DENND2A: variants seen among roughly 807,000 people sequenced by gnomAD.
DENND2A encodes DENN domain containing 2A.
A neutral mutation model predicts 105.3 loss-of-function variants in DENND2A; 53 were observed. The observed-to-expected ratio is 0.50, with a 90% CI of 0.40 to 0.63. DENND2A has a LOEUF of 0.63. DENND2A is among the 30% of genes least tolerant of loss of function. The pLI is 0.00. For missense variants in DENND2A, 1,138 were observed against 1,279.6 expected, an observed-to-expected ratio of 0.89 and a Z score of 1.69; for synonymous variants, 522 against 508.4, an observed-to-expected ratio of 1.03 and a Z score of -0.36.
chr7:140,520,979 A>C (rs1179375099), intron 18 of DENND2A, among the ~76,000 whole-genome samples: 41 of 140,950 alleles, frequency 2.9e-4, no homozygotes, highest in South Asian at 9.1e-4. Flanking sequence ...GGTTCAAGCG[A>C]TTCTCCTGCC....
At chr7:140,586,645 G>A (rs1798795954) in intron 4 of DENND2A, among the ~76,000 whole-genome samples, 1 of 152,210 alleles carries the variant, frequency 6.6e-6, no homozygotes, top group Non-Finnish European at 1.5e-5. Context: ...GTAACTGAAA[G>A]CATCCTCTTG....
At chr7:140,624,868 GT>G (rs1367069950) in intron 1 of DENND2A, among the ~76,000 whole-genome samples, 218 of 109,150 alleles carry the variant, frequency 2.0e-3, no homozygotes, top group Middle Eastern at 4.4e-3. Context: ...GTTTTTTTTT[GT>G]TTTTTTTTTT....
chr7:140,570,548 T>A (rs1259948223), intron 6 of DENND2A, among the ~76,000 whole-genome samples: 2 of 152,196 alleles, frequency 1.3e-5, no homozygotes, highest in African/African-American at 4.8e-5. Flanking sequence ...AGCTTGGGAC[T>A]ACGGGGAGTG....
chr7:140,546,712 C>A, intron 13 of DENND2A, 87 bp downstream of exon 13: 1 of 1,530,192 alleles, frequency 6.5e-7, no homozygotes. Flanking sequence ...TTGGACTGCT[C>A]ACTGAAAGGC....
At chr7:140,534,765 G>A (rs941918203) in intron 14 of DENND2A, among the ~76,000 whole-genome samples, 3 of 152,168 alleles carry the variant, frequency 2.0e-5, no homozygotes, top group South Asian at 2.1e-4. Flanking sequence ...TAGAAAGAGA[G>A]TCCTCACTCG....
chr7:140,521,778 T>C (rs780276677), intron 18 of DENND2A, 77 bp downstream of exon 18: 6 of 1,580,036 alleles, frequency 3.8e-6, no homozygotes, highest in Non-Finnish European at 5.2e-6. Flanking sequence ...CCCTGTGATC[T>C]TTCTCCCTAC....
In DENND2A at chr7:140,567,265, G is replaced by C; in HGVS notation, c.1600C>G (p.Gln534Glu). ...CGGGACTTCACGTTGACCAGGCGCT[G>C]GCTGTGAGCTGGGTGAGGGAGGGAG... ...DTEEKLKAHS[Q>E]RLVNVKSRLK... Residue 534 changes from glutamine to glutamate, a missense_variant, in exon 9 of 20, where the codon CAG becomes GAG. Transcript: ENST00000496613. The C allele has an allele frequency of 6.2e-7, 1 of 1,608,084 alleles. No individual in the cohort carries two copies. The highest frequency in any genetic ancestry group is 2.2e-5 in the East Asian group (1 of 44,780).
intron 10 of DENND2A, 136 bp from the exon 11 acceptor site, chr7:140,558,348 C>CAGGT (rs2130566706): frequency 3.2e-6 from 2 of 619,078 alleles, no homozygotes; most frequent in Admixed American, 2.6e-5. Context: ...CTCCCTGTCC[C>CAGGT]ACCTGTCCCT....
intron 3 of DENND2A, among the ~76,000 whole-genome samples, chr7:140,592,382 AT>A (rs1170017071): frequency 6.9e-6 from 1 of 145,740 alleles, no homozygotes; most frequent in African/African-American, 2.5e-5. Context: ...ATTTTTTAAA[AT>A]TTTATTTTTA....
chr7:140,564,298 T>TA (rs1554469316), intron 9 of DENND2A, among the ~76,000 whole-genome samples: 27 of 141,212 alleles, frequency 1.9e-4, no homozygotes, highest in East Asian at 8.2e-4. Context: ...AAAAAAAAAA[T>TA]ACACACACAC....
chr7:140,573,292 T>G (rs1798169461), intron 6 of DENND2A, among the ~76,000 whole-genome samples: 1 of 152,212 alleles, frequency 6.6e-6, no homozygotes, highest in Non-Finnish European at 1.5e-5. Flanking sequence ...AGACCAGAAC[T>G]GCAGCACTGA....
chr7:140,575,464 C>T (rs1049144288), intron 5 of DENND2A, among the ~76,000 whole-genome samples: 1 of 152,132 alleles, frequency 6.6e-6, no homozygotes, highest in African/African-American at 2.4e-5. Flanking sequence ...CCCGCAATTC[C>T]ACCTCTAGGA....
intron 9 of DENND2A, among the ~76,000 whole-genome samples, chr7:140,564,930 C>T (rs1023655148): frequency 4.0e-5 from 6 of 151,704 alleles, no homozygotes; most frequent in Non-Finnish European, 7.4e-5. Context: ...GGGCAGCCCC[C>T]GGCAAAAAAA....
chr7:140,529,970 C>G (rs924109917), intron 14 of DENND2A, among the ~76,000 whole-genome samples: 6 of 151,160 alleles, frequency 4.0e-5, no homozygotes, highest in Non-Finnish European at 5.9e-5. Flanking sequence ...ACAACAACAA[C>G]AAGATATATG....
intron 1 of DENND2A, among the ~76,000 whole-genome samples, chr7:140,624,372 AAC>A (rs1491047938): frequency 6.0e-5 from 3 of 49,884 alleles, no homozygotes; most frequent in Non-Finnish European, 1.3e-4. Context: ...ACAACACAAC[AAC>A]AACAACAACA....
chr7:140,629,306 G>A lies in DENND2A; in HGVS notation c.-248+11198C>T, dbSNP rs757488460. Reference sequence around the variant, plus strand: ...CTGGAGAAATTTGGAGGAGGACAACGAAAGGGGAGCCAGGGACTGCTTCAA... The same window carrying A: ...CTGGAGAAATTTGGAGGAGGACAACAAAAGGGGAGCCAGGGACTGCTTCAA... On this transcript the variant is annotated intron_variant, in intron 1 of 19. Transcript: ENST00000496613. Among the ~76,000 whole-genome samples, 9 of 152,158 alleles carry A rather than the reference G, an allele frequency of 5.9e-5. No individual in the cohort carries two copies. In the East Asian group the frequency reaches 9.6e-4, roughly 16 times the overall value.
chr7:140,630,754 G>A (rs1401333369), intron 1 of DENND2A, among the ~76,000 whole-genome samples: 3 of 152,126 alleles, frequency 2.0e-5, no homozygotes, highest in East Asian at 1.9e-4. Flanking sequence ...TCAGCTACTC[G>A]GGAGGCTGAG....
Position 140,582,427 on chromosome 7 carries a change from T to C in DENND2A, c.1245+3162A>G, listed in dbSNP as rs190572286. ...TGGGAAATGAAGGATTTCCTAAATG[T>C]TGAAGACATCCCTATTCCAATGAAA... On this transcript the variant is annotated intron_variant, in intron 5 of 19. Transcript: ENST00000496613. Among the ~76,000 whole-genome samples, 575 of 152,330 alleles carry C rather than the reference T, an allele frequency of 3.8e-3. 14 individuals are homozygous for C. Among genetic ancestry groups the C allele is most frequent in the Admixed American group, 0.035 (540 of 15,288 alleles).
rs996611919 is a variant in DENND2A at position 140,633,444 on chromosome 7, C to A, written c.-248+7060G>T. On this transcript the variant is annotated intron_variant, in intron 1 of 19. Coordinates refer to ENST00000496613, the MANE Select transcript of DENND2A (RefSeq NM_015689.5). ...TGCTAGAATTACAGGTGTGAGCCAC[C>A]GCGCCTGGCCTAATGCTCTCTTTTT... Among the ~76,000 whole-genome samples the A allele has an allele frequency of 3.3e-5, 5 of 152,252 alleles. No individual in the cohort carries two copies. The South Asian group carries it at 1.0e-3, about 32-fold the overall frequency.
Sources: allele counts gnomAD v4.1 joint callset (sites outside exome capture counted in the v4.1 genomes callset), GRCh38; gene constraint gnomAD v4.1.1; transcripts MANE v1.5; gene names NCBI Gene and HGNC (gene_info 2026-07-23, HGNC 2026-07-21).